Variants in BET1 observed in about 807,000 individuals in gnomAD.
The protein encoded by BET1 is BET1 homolog.
In BET1, 9 loss-of-function variants were observed where a neutral mutation model predicts 13.9. The observed-to-expected ratio is 0.65, with a 90% CI of 0.39 to 1.13. The LOEUF (loss-of-function observed/expected upper bound fraction) is 1.13, where lower values mean the gene tolerates loss of function less well. BET1 is among the 50% of genes most tolerant of loss of function. The probability of loss-of-function intolerance (pLI) is 0.01; values close to 1 mark genes in which losing one functional copy is unlikely to be tolerated. For missense variants in BET1, 127 were observed against 133.6 expected, an observed-to-expected ratio of 0.95 and a Z score of 0.24; for synonymous variants, 39 against 47.3, an observed-to-expected ratio of 0.82 and a Z score of 0.72.
chr7:93,999,212 C>T lies in BET1; in HGVS notation c.102G>A (p.Arg34=). 6.2e-7 allele frequency: 1 copy of T among 1,612,886 alleles called. No homozygotes were observed. Among genetic ancestry groups the T allele is most frequent in the Non-Finnish European group, 8.5e-7 (1 of 1,179,246 alleles). The change falls in exon 2 of 4, where the codon AGG becomes AGA. Residue 34 remains arginine (R), a synonymous_variant. Transcript: ENST00000222547. The part of the protein sequence containing the change: ...GYSACEEENE[R]LTESLRSKVT... The stretch of plus-strand genomic sequence containing the variant: ...CTTTGCTTCTCAGACTTTCAGTGAG[C>T]CTCTCATTTTCTTCTTCACAGGCAC...
chr7:93,965,529 G>GGT (rs1175169789), exon 7 of BET1: 4 of 151,906 alleles, frequency 2.6e-5, no homozygotes, highest in Non-Finnish European at 5.9e-5. Flanking sequence ...ATCATTGACA[G>GGT]GTATATATAG....
downstream of BET1, among the ~76,000 whole-genome samples, chr7:93,988,979 T>C (rs887319011): frequency 6.8e-6 from 1 of 148,068 alleles, no homozygotes; most frequent in Non-Finnish European, 1.5e-5. Context: ...ATAAAAGATA[T>C]ATAAATATAT....
At chr7:93,964,227 G>T (rs1315382143) in exon 7 of BET1, 1 of 151,988 alleles carries the variant, frequency 6.6e-6, no homozygotes, top group Admixed American at 6.6e-5. Flanking sequence ...CCCAAGTAGT[G>T]AGCATAGTAC....
At chr7:93,973,144 T>C (rs922406395) in intron 5 of BET1, among the ~76,000 whole-genome samples, 3 of 151,874 alleles carry the variant, frequency 2.0e-5, no homozygotes, top group African/African-American at 7.2e-5. Flanking sequence ...TTAACAGATA[T>C]CAAAAAGAAG....
intron 4 of BET1, among the ~76,000 whole-genome samples, chr7:93,982,766 AT>A (rs1795450184): frequency 6.6e-6 from 1 of 152,180 alleles, no homozygotes; most frequent in Non-Finnish European, 1.5e-5. Flanking sequence ...AATAATAATA[AT>A]TCTGAACAAA....
At position 93,983,590 on chromosome 7, in the gene BET1, GA is replaced by G. The variant is rs1452065014; in HGVS notation, c.236-7491del. Among the ~76,000 whole-genome samples the G allele has an allele frequency of 2.6e-5, 4 of 152,072 alleles. No homozygotes were observed. The East Asian group carries it at 7.8e-4, about 30-fold the overall frequency. On this transcript the variant is annotated intron_variant and NMD_transcript_variant, in intron 4 of 6. Coordinates refer to the BET1 transcript ENST00000357520. ...ATGACTCTGTACAAAATTGTAGTGGGAAAAAAATGCTTACAGAATTACACTA... is the reference window on the plus strand; with the variant it reads ...ATGACTCTGTACAAAATTGTAGTGGGAAAAAATGCTTACAGAATTACACTA...
intron 4 of BET1, among the ~76,000 whole-genome samples, chr7:93,985,496 T>C (rs1336907235): frequency 6.6e-6 from 1 of 152,200 alleles, no homozygotes; most frequent in Non-Finnish European, 1.5e-5. Flanking sequence ...TGCTGGTATA[T>C]AACAGAATAA....
rs528151776 is a variant in BET1 at position 93,993,848 on chromosome 7, A to T, written c.*382T>A. 2.0e-6 allele frequency: 3 copies of T among 1,534,474 alleles called. No homozygotes were observed. In the African/African-American group the frequency reaches 4.1e-5, roughly 21 times the overall value. ...AACTGGCTGACTACTTCAAGAGCTCAGAGTCAGGCTCTCCAGGCATTCTGT... is the reference window on the plus strand; with the variant it reads ...AACTGGCTGACTACTTCAAGAGCTCTGAGTCAGGCTCTCCAGGCATTCTGT... On this transcript the variant is annotated 3_prime_UTR_variant, in exon 4 of 4. Coordinates refer to ENST00000222547, the MANE Select transcript of BET1 (RefSeq NM_005868.6).
intron 4 of BET1, among the ~76,000 whole-genome samples, chr7:93,980,917 T>C (rs549921897): frequency 6.6e-6 from 1 of 152,312 alleles, no homozygotes; most frequent in East Asian, 1.9e-4. Context: ...GAAGTTTTTA[T>C]TGCAAAGCGA....
At chr7:93,974,880 A>G (rs1374849851) in intron 5 of BET1, among the ~76,000 whole-genome samples, 3 of 152,096 alleles carry the variant, frequency 2.0e-5, no homozygotes, top group Non-Finnish European at 4.4e-5. Context: ...CACCACTTTT[A>G]GAAAGTGATC....
In BET1 at chr7:94,001,080, G is replaced by C. The variant is rs568491624; in HGVS notation, c.20-1786C>G. The stretch of plus-strand genomic sequence containing the variant: ...TGAAGGACAGTCAAGGTGTGAATAG[G>C]AACTTCTTTCAAGGCACAATAGAAA... On this transcript the variant is annotated intron_variant, in intron 1 of 3. Coordinates refer to ENST00000222547, the MANE Select transcript of BET1 (RefSeq NM_005868.6). Among the ~76,000 whole-genome samples, 38 of 152,286 alleles carry C rather than the reference G, an allele frequency of 2.5e-4. No homozygotes were observed. In the South Asian group the frequency reaches 7.9e-3, roughly 32 times the overall value.
downstream of BET1, chr7:93,992,518 C>T (rs1401937323): frequency 9.1e-6 from 9 of 985,050 alleles, no homozygotes; most frequent in African/African-American, 1.7e-5. Flanking sequence ...CTGAATCTCC[C>T]GTGAGCTCTG....
At chr7:93,998,991 C>T (rs1054122625) in intron 2 of BET1, among the ~76,000 whole-genome samples, 179 bp downstream of exon 2, 2 of 152,020 alleles carry the variant, frequency 1.3e-5, no homozygotes, top group Non-Finnish European at 2.9e-5. Context: ...TTTTGATGTG[C>T]CACATTTTTT....
At chr7:93,970,247 T>C (rs1015209200) in intron 6 of BET1, among the ~76,000 whole-genome samples, 24 of 151,802 alleles carry the variant, frequency 1.6e-4, no homozygotes, top group Non-Finnish European at 5.9e-5. Flanking sequence ...AATAATTAAA[T>C]ACTAGCAGAA....
chr7:93,986,165 G>A (rs542539047), intron 4 of BET1, among the ~76,000 whole-genome samples: 20 of 152,202 alleles, frequency 1.3e-4, no homozygotes, highest in Middle Eastern at 6.8e-3. Flanking sequence ...TAGTTCTCAA[G>A]TATCTCTCAA....
intron 4 of BET1, among the ~76,000 whole-genome samples, chr7:93,978,925 A>T (rs981847187): frequency 6.6e-6 from 1 of 152,212 alleles, no homozygotes; most frequent in African/African-American, 2.4e-5. Context: ...CAATCACTGG[A>T]GCTGCCACTA....
At chr7:93,962,867 C>A (rs1404908326) in exon 7 of BET1, 1 of 151,398 alleles carries the variant, frequency 6.6e-6, no homozygotes, top group Non-Finnish European at 1.5e-5. Flanking sequence ...GTTCACAGCA[C>A]AGAACATCAA....
At chr7:93,991,930 A>G, downstream of BET1, 2 of 981,778 alleles carry the variant, frequency 2.0e-6, no homozygotes, top group Non-Finnish European at 2.4e-6. Flanking sequence ...AGGAGCATTA[A>G]AAAATTAGGA....
chr7:93,996,024 TA>T (rs1264574488), intron 3 of BET1: 1 of 504,586 alleles, frequency 2.0e-6, no homozygotes, highest in Admixed American at 4.2e-5. Flanking sequence ...ACAATCATTC[TA>T]AAAACAGGAT....
Sources: allele counts gnomAD v4.1 joint callset (sites outside exome capture counted in the v4.1 genomes callset), GRCh38; gene constraint gnomAD v4.1.1; transcripts MANE v1.5; gene names NCBI Gene and HGNC (gene_info 2026-07-23, HGNC 2026-07-21).